RGL1: variants seen among roughly 807,000 people sequenced by gnomAD.
RGL1 encodes ral guanine nucleotide dissociation stimulator like 1.
A neutral mutation model predicts 95.2 loss-of-function variants in RGL1; 24 were observed. The observed-to-expected ratio is 0.25, with a 90% confidence interval of 0.18 to 0.35. RGL1 has a LOEUF of 0.35. Among genes scored for constraint, RGL1 ranks in the 10% least tolerant of loss-of-function variants. The pLI is 1.00. For synonymous variants in RGL1, 329 were observed against 344.9 expected, an observed-to-expected ratio of 0.95 and a Z score of 0.51; for missense variants, 715 against 936.3, an observed-to-expected ratio of 0.76 and a Z score of 3.08.
intron 2 of RGL1, among the ~76,000 whole-genome samples, chr1:183,819,937 A>G (rs1662347764): frequency 6.6e-6 from 1 of 151,794 alleles, no homozygotes; most frequent in Admixed American, 6.6e-5. Flanking sequence ...GGTGCACACC[A>G]CCATGCCTGG....
chr1:183,789,526 G>T (rs1660344607), intron 2 of RGL1, among the ~76,000 whole-genome samples: 1 of 152,180 alleles, frequency 6.6e-6, no homozygotes, highest in African/African-American at 2.4e-5. Context: ...ACAGTGTCTG[G>T]TATATAGTGG....
At chr1:183,918,107 G>A (rs946173370) in intron 16 of RGL1, among the ~76,000 whole-genome samples, 3 of 152,180 alleles carry the variant, frequency 2.0e-5, no homozygotes, top group Non-Finnish European at 4.4e-5. Context: ...GGTAGTTGGT[G>A]GGTCTGTGAG....
intron 1 of RGL1, among the ~76,000 whole-genome samples, chr1:183,710,478 CCT>C (rs1655193496): frequency 6.6e-6 from 1 of 152,114 alleles, no homozygotes; most frequent in Non-Finnish European, 1.5e-5. Context: ...TTTTGCATCC[CCT>C]GTTTTTTGGC....
chr1:183,867,376 G>C (rs2102597955), intron 4 of RGL1, among the ~76,000 whole-genome samples: 1 of 152,136 alleles, frequency 6.6e-6, no homozygotes, highest in East Asian at 1.9e-4. Context: ...GTCCCCAGAA[G>C]ACAAGCAAAG....
intron 2 of RGL1, among the ~76,000 whole-genome samples, chr1:183,744,169 G>A (rs1027371223): frequency 1.4e-4 from 22 of 152,180 alleles, no homozygotes; most frequent in Admixed American, 1.3e-3. Context: ...CCTCACTACA[G>A]TTGTGTTTAA....
intron 2 of RGL1, among the ~76,000 whole-genome samples, chr1:183,759,271 T>C (rs1658523071): frequency 6.6e-6 from 1 of 152,174 alleles, no homozygotes; most frequent in Admixed American, 6.5e-5. Context: ...TTGGGGTTTT[T>C]GAGGAAAAGG....
chr1:183,866,380 A>G (rs868284030), intron 4 of RGL1, among the ~76,000 whole-genome samples: 1 of 152,226 alleles, frequency 6.6e-6, no homozygotes, highest in Non-Finnish European at 1.5e-5. Flanking sequence ...CAAAGAATAC[A>G]CACAAAAAAG....
chr1:183,868,801 T>C (rs1665988418), intron 4 of RGL1, among the ~76,000 whole-genome samples: 1 of 152,186 alleles, frequency 6.6e-6, no homozygotes, highest in Non-Finnish European at 1.5e-5. Flanking sequence ...CTGAACACTC[T>C]GAGGAGAGTC....
chr1:183,730,005 T>G (rs1348889643), intron 1 of RGL1, among the ~76,000 whole-genome samples: 1 of 152,150 alleles, frequency 6.6e-6, no homozygotes, highest in East Asian at 1.9e-4. Context: ...GAATGATCTT[T>G]TGAAGTAATG....
rs189706751 is a variant in RGL1, at chr1:183,809,742, T to G, written c.138+3257T>G. Among the ~76,000 whole-genome samples the G allele has an allele frequency of 5.5e-4, 83 of 152,164 alleles. No homozygotes were observed. The Middle Eastern group carries it at 0.01, about 19-fold the overall frequency. ...GGCTAATTTGCTTGAGGCTGGGAGC[T>G]CAAGACCAGCCTGGGCAACATAGCA... On this transcript the variant is annotated intron_variant, in intron 2 of 17. Coordinates refer to ENST00000360851, the MANE Select transcript of RGL1 (RefSeq NM_001297671.3).
intron 1 of RGL1, among the ~76,000 whole-genome samples, chr1:183,712,744 C>G (rs1252486939): frequency 6.6e-6 from 1 of 152,200 alleles, no homozygotes; most frequent in Non-Finnish European, 1.5e-5. Context: ...ATGATAGTCT[C>G]ATATAGACCT....
At chr1:183,925,544 A>ATT (rs34254228) in intron 17 of RGL1, among the ~76,000 whole-genome samples, 11 of 151,918 alleles carry the variant, frequency 7.2e-5, no homozygotes, top group African/African-American at 2.7e-4. Flanking sequence ...TTAAAGTAAA[A>ATT]TTTTTTTAAA....
intron 3 of RGL1, among the ~76,000 whole-genome samples, chr1:183,848,007 A>G (rs571028374): frequency 2.6e-5 from 4 of 152,328 alleles, no homozygotes; most frequent in Admixed American, 2.6e-4. Flanking sequence ...GAGAGTGGAT[A>G]CCTTAAATCT....
At chr1:183,662,671 A>G (rs1651726965) in intron 1 of RGL1, among the ~76,000 whole-genome samples, 1 of 152,342 alleles carries the variant, frequency 6.6e-6, no homozygotes, top group African/African-American at 2.4e-5. Context: ...CATCCCCATC[A>G]AGCTACCAAT....
chr1:183,878,196 C>CTATCTATT (rs1666628317), intron 4 of RGL1, among the ~76,000 whole-genome samples: 3 of 151,470 alleles, frequency 2.0e-5, no homozygotes, highest in Non-Finnish European at 2.9e-5. Flanking sequence ...ATCTATCTAT[C>CTATCTATT]TGTCTATCTT....
At chr1:183,789,821 A>C (rs1660357568) in intron 2 of RGL1, among the ~76,000 whole-genome samples, 1 of 149,500 alleles carries the variant, frequency 6.7e-6, no homozygotes, top group Non-Finnish European at 1.5e-5. Flanking sequence ...TTTGTTCTTT[A>C]GGATATTAGG....
At chr1:183,785,106 T>A (rs1188464953) in intron 2 of RGL1, among the ~76,000 whole-genome samples, 1 of 152,222 alleles carries the variant, frequency 6.6e-6, no homozygotes, top group Non-Finnish European at 1.5e-5. Context: ...TTAGAACTTT[T>A]TAAAATGCAA....
intron 4 of RGL1, among the ~76,000 whole-genome samples, chr1:183,878,522 A>G (rs1260905502): frequency 6.6e-6 from 1 of 152,204 alleles, no homozygotes; most frequent in African/African-American, 2.4e-5. Context: ...TTAAATATGT[A>G]TACATATCCA....
Position 183,865,963 on chromosome 1 carries a change from T to C in RGL1, c.348-33T>C, listed in dbSNP as rs765399852. On this transcript the variant is annotated intron_variant, in intron 3 of 17. Transcript: ENST00000360851. ...AGTTGCTTTCCAACACCACTGACTG[T>C]TTTTGCTTGCTTGTTCATTATTATC... 3 of 1,523,044 alleles carry C rather than the reference T, an allele frequency of 2.0e-6. No homozygotes were observed. The South Asian group carries it at 3.4e-5, about 17-fold the overall frequency. 94.3% of individuals were successfully genotyped at this position (1,523,044 alleles called of 1,614,324 possible).
Sources: gnomAD v4.1 joint callset for allele counts (sites outside exome capture counted in the v4.1 genomes callset) on GRCh38, gnomAD v4.1.1 for gene constraint, MANE v1.5 for transcripts, NCBI Gene and HGNC (gene_info 2026-07-23, HGNC 2026-07-21) for gene names.